The following PLXNA4 variants were observed in gnomAD, a reference collection of about 807,000 sequenced individuals.
The protein encoded by PLXNA4 is plexin A4.
A neutral mutation model predicts 191.8 loss-of-function variants in PLXNA4; 44 were observed. The ratio of observed to expected loss-of-function variants is 0.23; its 90% CI spans 0.18 to 0.29. PLXNA4 has a LOEUF of 0.29. PLXNA4 is among the 10% of genes least tolerant of loss of function. The probability of loss-of-function intolerance (pLI) is 1.00; values close to 1 mark genes in which losing one functional copy is unlikely to be tolerated. For synonymous variants in PLXNA4, 1,082 were observed against 1,009.5 expected, an observed-to-expected ratio of 1.07 and a Z score of -1.36; for missense variants, 1,800 against 2,488.8, an observed-to-expected ratio of 0.72 and a Z score of 5.89.
At chr7:132,410,661 G>T (rs1474304525) in intron 3 of PLXNA4, among the ~76,000 whole-genome samples, 2 of 152,208 alleles carry the variant, frequency 1.3e-5, no homozygotes, top group African/African-American at 2.4e-5. Flanking sequence ...TGTCTAGGCT[G>T]CCTGTCTCCA....
At chr7:132,497,297 C>T (rs1343613020) in intron 2 of PLXNA4, among the ~76,000 whole-genome samples, 2 of 152,188 alleles carry the variant, frequency 1.3e-5, no homozygotes, top group Non-Finnish European at 2.9e-5. Context: ...TAAAGCTCTG[C>T]AGTACAGGGA....
chr7:132,500,741 C>T (rs967760640), intron 2 of PLXNA4, among the ~76,000 whole-genome samples: 3 of 152,126 alleles, frequency 2.0e-5, no homozygotes, highest in African/African-American at 2.4e-5. Context: ...ATATAAGGGG[C>T]TGTGTGTCTA....
intron 3 of PLXNA4, chr7:132,484,618 T>C: frequency 1.1e-6 from 1 of 906,726 alleles, no homozygotes; most frequent in Non-Finnish European, 1.6e-6. Context: ...TGGAGAAACA[T>C]ATAGCACAAC....
At chr7:132,174,559 C>A (rs1796393190) in intron 21 of PLXNA4, among the ~76,000 whole-genome samples, 1 of 152,208 alleles carries the variant, frequency 6.6e-6, no homozygotes, top group African/African-American at 2.4e-5. Flanking sequence ...CCATGATCCT[C>A]CAAGACCTGA....
chr7:132,445,563 T>C (rs1308496605), intron 3 of PLXNA4, among the ~76,000 whole-genome samples: 1 of 152,016 alleles, frequency 6.6e-6, no homozygotes, highest in Non-Finnish European at 1.5e-5. Context: ...CAAATCATGG[T>C]CACAGCTATG....
intron 5 of PLXNA4, among the ~76,000 whole-genome samples, chr7:132,236,759 C>A (rs1477756470): frequency 6.6e-6 from 1 of 152,154 alleles, no homozygotes; most frequent in Non-Finnish European, 1.5e-5. Context: ...CCCACTCTTG[C>A]CACCTGTCTC....
At chr7:132,491,157 C>T (rs929949342) in intron 2 of PLXNA4, among the ~76,000 whole-genome samples, 1 of 152,218 alleles carries the variant, frequency 6.6e-6, no homozygotes, top group Non-Finnish European at 1.5e-5. Flanking sequence ...AAACAATCCC[C>T]GCTCTTTGAT....
chr7:132,244,968 C>T (rs1230192721), intron 4 of PLXNA4, among the ~76,000 whole-genome samples: 1 of 152,128 alleles, frequency 6.6e-6, no homozygotes, highest in East Asian at 1.9e-4. Flanking sequence ...ATTCTCTTTC[C>T]CCAAATACCT....
chr7:132,456,737 C>G (rs919072611), intron 3 of PLXNA4, among the ~76,000 whole-genome samples: 1 of 152,064 alleles, frequency 6.6e-6, no homozygotes, highest in Non-Finnish European at 1.5e-5. Context: ...GAGGAGTTGA[C>G]GAATCAATCA....
intron 1 of PLXNA4, among the ~76,000 whole-genome samples, chr7:132,575,948 G>T (rs1046516373): frequency 6.6e-6 from 1 of 152,126 alleles, no homozygotes; most frequent in Non-Finnish European, 1.5e-5. Context: ...TCTGTCTCCC[G>T]TTGAAATCCC....
chr7:132,329,448 G>T (rs1802503900), intron 3 of PLXNA4, among the ~76,000 whole-genome samples: 1 of 152,134 alleles, frequency 6.6e-6, no homozygotes, highest in African/African-American at 2.4e-5. Flanking sequence ...CTGCCCAAGG[G>T]TGCTCAGCCC....
At chr7:132,625,161 C>T (rs961438990) in intron 2 of PLXNA4, among the ~76,000 whole-genome samples, 1 of 152,252 alleles carries the variant, frequency 6.6e-6, no homozygotes, top group East Asian at 1.9e-4. Flanking sequence ...AACCTAAACC[C>T]TCCGACGGGG....
chr7:132,379,970 C>T (rs772758341), intron 3 of PLXNA4, among the ~76,000 whole-genome samples: 3 of 152,166 alleles, frequency 2.0e-5, no homozygotes, highest in Non-Finnish European at 2.9e-5. Flanking sequence ...GACTTGCCAC[C>T]ACCGTCACCC....
At chr7:132,423,335 G>A (rs949463453) in intron 3 of PLXNA4, among the ~76,000 whole-genome samples, 1 of 152,220 alleles carries the variant, frequency 6.6e-6, no homozygotes, top group East Asian at 1.9e-4. Flanking sequence ...GTGAAGGGAC[G>A]CTCCCAAGTC....
chr7:132,177,319 GC>G (rs1368005675), intron 20 of PLXNA4, among the ~76,000 whole-genome samples: 2 of 152,224 alleles, frequency 1.3e-5, no homozygotes, highest in East Asian at 3.8e-4. Context: ...CCCATGAAGG[GC>G]CCAGCTGGGT....
intron 3 of PLXNA4, among the ~76,000 whole-genome samples, chr7:132,454,399 A>G (rs1796242394): frequency 6.6e-6 from 1 of 152,144 alleles, no homozygotes; most frequent in Non-Finnish European, 1.5e-5. Flanking sequence ...CCAAAAGCTG[A>G]CTTATCACCC....
At chr7:132,158,278 C>T (rs570786627) in intron 25 of PLXNA4, among the ~76,000 whole-genome samples, 31 of 152,280 alleles carry the variant, frequency 2.0e-4, no homozygotes, top group African/African-American at 1.7e-4. Context: ...CAGTGGGAGG[C>T]AATGAAAATT....
intron 4 of PLXNA4, among the ~76,000 whole-genome samples, chr7:132,282,671 G>C (rs762781412): frequency 1.8e-5 from 2 of 112,464 alleles, no homozygotes; most frequent in Non-Finnish European, 3.6e-5. Context: ...AGAAGCAGTA[G>C]TTCTAATAGT....
chr7:132,233,323 A>G (rs1035222095), intron 5 of PLXNA4, among the ~76,000 whole-genome samples: 2 of 152,186 alleles, frequency 1.3e-5, no homozygotes, highest in African/African-American at 4.8e-5. Flanking sequence ...GAGGAAGTGG[A>G]GTAGCTAGTA....
Sources: allele counts gnomAD v4.1 joint callset (sites outside exome capture counted in the v4.1 genomes callset), GRCh38; gene constraint gnomAD v4.1.1; transcripts MANE v1.5; gene names NCBI Gene and HGNC (gene_info 2026-07-23, HGNC 2026-07-21).